Variants in PLCXD3 observed in about 807,000 individuals in gnomAD.
PLCXD3 encodes phosphatidylinositol specific phospholipase C X domain containing 3.
PLCXD3 carries 19 observed loss-of-function variants against 25.5 expected under a neutral mutation model. That is an observed-to-expected ratio of 0.75 (90% CI 0.52 to 1.09). PLCXD3 has a LOEUF of 1.09. PLCXD3 is among the 50% of genes least tolerant of loss of function. The pLI is 0.00. For synonymous variants in PLCXD3, 174 were observed against 137.6 expected, an observed-to-expected ratio of 1.26 and a Z score of -1.85; for missense variants, 411 against 388.1, an observed-to-expected ratio of 1.06 and a Z score of -0.50.
At chr5:41,465,133 G>A (rs1000469669) in intron 1 of PLCXD3, among the ~76,000 whole-genome samples, 1 of 151,670 alleles carries the variant, frequency 6.6e-6, no homozygotes, top group African/African-American at 2.4e-5. Flanking sequence ...CATATTTTGG[G>A]GAGTTGGATT....
At chr5:41,469,025 G>A (rs1748090351) in intron 1 of PLCXD3, among the ~76,000 whole-genome samples, 1 of 152,102 alleles carries the variant, frequency 6.6e-6, no homozygotes, top group African/African-American at 2.4e-5. Flanking sequence ...GTTATATATG[G>A]CCTAACGGTG....
intron 1 of PLCXD3, among the ~76,000 whole-genome samples, chr5:41,394,969 C>A (rs1007714685): frequency 1.3e-5 from 2 of 152,048 alleles, no homozygotes; most frequent in Non-Finnish European, 2.9e-5. Flanking sequence ...GCATCATAGA[C>A]CAAATGGATC....
At chr5:41,433,657 C>T (rs1487808512) in intron 1 of PLCXD3, among the ~76,000 whole-genome samples, 3 of 152,128 alleles carry the variant, frequency 2.0e-5, no homozygotes, top group Non-Finnish European at 4.4e-5. Flanking sequence ...TACTGACTCA[C>T]AAAAATGACA....
chr5:41,360,102 ATTCT>A (rs1744731449), intron 2 of PLCXD3, among the ~76,000 whole-genome samples: 1 of 152,060 alleles, frequency 6.6e-6, no homozygotes, highest in Admixed American at 6.6e-5. Context: ...GAGCTCTGAA[ATTCT>A]TTCTTCTGCT....
intron 1 of PLCXD3, among the ~76,000 whole-genome samples, chr5:41,427,635 A>C (rs1336790368): frequency 1.3e-5 from 2 of 152,160 alleles, no homozygotes; most frequent in Admixed American, 1.3e-4. Flanking sequence ...CATAGTTTCC[A>C]CATATGTTCT....
At chr5:41,361,490 C>T (rs1744778337) in intron 2 of PLCXD3, among the ~76,000 whole-genome samples, 1 of 152,220 alleles carries the variant, frequency 6.6e-6, no homozygotes, top group Admixed American at 6.5e-5. Context: ...TGAGTCTCCA[C>T]ATGTTGCTCC....
chr5:41,404,786 T>C (rs1222082138), intron 1 of PLCXD3, among the ~76,000 whole-genome samples: 1 of 152,126 alleles, frequency 6.6e-6, no homozygotes, highest in East Asian at 1.9e-4. Flanking sequence ...AAATTATAGG[T>C]TTAATAAACA....
At chr5:41,319,472 C>T (rs947563550) in intron 2 of PLCXD3, among the ~76,000 whole-genome samples, 1 of 152,076 alleles carries the variant, frequency 6.6e-6, no homozygotes, top group African/African-American at 2.4e-5. Context: ...GGGAGTTCTA[C>T]AACTACATGG....
intron 2 of PLCXD3, among the ~76,000 whole-genome samples, chr5:41,323,174 A>T (rs1222789062): frequency 6.6e-6 from 1 of 151,110 alleles, no homozygotes; most frequent in Non-Finnish European, 1.5e-5. Flanking sequence ...AAATCAAAAC[A>T]TTGAACTCAT....
At chr5:41,504,323 C>A (rs992068829) in intron 1 of PLCXD3, among the ~76,000 whole-genome samples, 1 of 152,142 alleles carries the variant, frequency 6.6e-6, no homozygotes, top group Non-Finnish European at 1.5e-5. Context: ...AGTGAGCTAA[C>A]ATTGAGCATA....
chr5:41,324,773 C>A (rs183806805), intron 2 of PLCXD3, among the ~76,000 whole-genome samples: 89 of 152,284 alleles, frequency 5.8e-4, no homozygotes, highest in Non-Finnish European at 1.1e-3. Flanking sequence ...AAGACCAATG[C>A]TCTTTGGAAA....
intron 2 of PLCXD3, among the ~76,000 whole-genome samples, chr5:41,364,872 A>G (rs1357986972): frequency 6.6e-6 from 1 of 152,232 alleles, no homozygotes; most frequent in Non-Finnish European, 1.5e-5. Context: ...GTATCTTGGC[A>G]TGTAAACTGT....
At chr5:41,356,125 GCGT>G in intron 2 of PLCXD3, among the ~76,000 whole-genome samples, 1 of 152,164 alleles carries the variant, frequency 6.6e-6, no homozygotes, top group Middle Eastern at 3.4e-3. Context: ...AATTAGCCAG[GCGT>G]GGTGGCAGGC....
intron 1 of PLCXD3, among the ~76,000 whole-genome samples, chr5:41,450,240 T>C (rs929791486): frequency 3.9e-5 from 6 of 152,092 alleles, no homozygotes; most frequent in Non-Finnish European, 7.4e-5. Flanking sequence ...GTGGAAAACC[T>C]GCTGATTTTC....
At chr5:41,456,672 G>T in intron 1 of PLCXD3, 1 of 242,100 alleles carries the variant, frequency 4.1e-6, no homozygotes, top group Non-Finnish European at 6.6e-6. Context: ...ATTAGGTCCT[G>T]AAGGTGGAGC....
At chr5:41,419,918 T>C (rs912894014) in intron 1 of PLCXD3, among the ~76,000 whole-genome samples, 5 of 152,204 alleles carry the variant, frequency 3.3e-5, no homozygotes, top group African/African-American at 1.2e-4. Flanking sequence ...TAGAAAATTA[T>C]TTCTCTGAGA....
intron 1 of PLCXD3, among the ~76,000 whole-genome samples, chr5:41,434,572 C>A (rs905659728): frequency 2.0e-5 from 3 of 152,060 alleles, no homozygotes; most frequent in Admixed American, 6.5e-5. Context: ...TGAATCCAAC[C>A]CTGTAATATG....
intron 2 of PLCXD3, among the ~76,000 whole-genome samples, chr5:41,369,926 C>T (rs1255359896): frequency 6.6e-6 from 1 of 152,162 alleles, no homozygotes; most frequent in Non-Finnish European, 1.5e-5. Flanking sequence ...TTTATATTGG[C>T]CACATATCAC....
At chr5:41,432,636 C>T (rs951271470) in intron 1 of PLCXD3, among the ~76,000 whole-genome samples, 1 of 152,146 alleles carries the variant, frequency 6.6e-6, no homozygotes, top group African/African-American at 2.4e-5. Flanking sequence ...AGAGGAAGGG[C>T]ACCATGTTGT....
Sources: allele counts gnomAD v4.1 joint callset (sites outside exome capture counted in the v4.1 genomes callset), GRCh38; gene constraint gnomAD v4.1.1; transcripts MANE v1.5; gene names NCBI Gene and HGNC (gene_info 2026-07-23, HGNC 2026-07-21).